Variants in CEP44 observed in about 807,000 individuals in gnomAD.
The protein encoded by CEP44 is centrosomal protein of 44 kDa.
In CEP44, 45 loss-of-function variants were observed where a neutral mutation model predicts 46.7. The ratio of observed to expected loss-of-function variants is 0.96; its 90% CI spans 0.76 to 1.24. The LOEUF (loss-of-function observed/expected upper bound fraction) is 1.24. Ranked by LOEUF, CEP44 falls within the 50% of genes most tolerant of loss-of-function variation. The probability of loss-of-function intolerance (pLI) is 0.00; values close to 1 mark genes in which losing one functional copy is unlikely to be tolerated. For missense variants in CEP44, 475 were observed against 459.7 expected, an observed-to-expected ratio of 1.03 and a Z score of -0.30; for synonymous variants, 142 against 146.0, an observed-to-expected ratio of 0.97 and a Z score of 0.20.
intron 1 of CEP44, among the ~76,000 whole-genome samples, chr4:174,289,295 CT>C (rs34274387): frequency 0.32 from 41,007 of 128,624 alleles, 6,300 homozygotes; most frequent in East Asian, 0.57. Flanking sequence ...GTTCCCTCTT[CT>C]TTTTTTTTTT....
In CEP44 at chr4:174,331,633, T is replaced by C. The variant is rs1731324705; in HGVS notation, c.*38T>C. 3.2e-6 allele frequency: 5 copies of C among 1,540,592 alleles called. No homozygotes were observed. The highest frequency in any genetic ancestry group is 3.5e-6 in the Non-Finnish European group (4 of 1,140,240). ...GGATCCTGTGCTTACCTTTTCCTGC[T>C]GTACTCTGATGTTTCAGTGAAGCTC... On this transcript the variant is annotated 3_prime_UTR_variant, in exon 9 of 9. Transcript: ENST00000426172. The surrounding 1 kb of genome is among the most constrained non-coding windows in gnomAD (Gnocchi z 4.5).
intron 1 of CEP44, among the ~76,000 whole-genome samples, chr4:174,295,454 A>T (rs1053813430): frequency 6.2e-5 from 9 of 145,162 alleles, no homozygotes; most frequent in South Asian, 2.2e-4. Flanking sequence ...GGCGCTCCTC[A>T]CTTCCTAGAT....
At chr4:174,308,404 C>G (rs2126626122) in intron 6 of CEP44, among the ~76,000 whole-genome samples, 1 of 152,222 alleles carries the variant, frequency 6.6e-6, no homozygotes, top group South Asian at 2.1e-4. Flanking sequence ...CTTGTTCTCA[C>G]TTGTAAGTGG....
At chr4:174,295,105 G>A (rs1342524827) in intron 1 of CEP44, among the ~76,000 whole-genome samples, 53 of 151,810 alleles carry the variant, frequency 3.5e-4, no homozygotes, top group Non-Finnish European at 3.2e-4. Flanking sequence ...CCTCCCGGAC[G>A]GGGCGGCTGG....
intron 1 of CEP44, 142 bp downstream of exon 1, chr4:174,284,085 TC>T: frequency 5.0e-6 from 2 of 399,106 alleles, no homozygotes; most frequent in East Asian, 7.1e-5. Flanking sequence ...TGCTCCGTTT[TC>T]CTCTCCCTGT....
rs201945038 is a variant in CEP44, at chr4:174,316,587, A to T, written c.1124+20A>T. 2.9e-4 allele frequency: 461 copies of T among 1,580,144 alleles called. No individual in the cohort carries two copies. Among genetic ancestry groups the T allele is most frequent in the Non-Finnish European group, 3.8e-4 (435 of 1,158,178 alleles). ...AAAAATGTAAGTAACAGAAAGGGGC[A>T]ACAGAAATTCATTTCTCTATAGGGA... On this transcript the variant is annotated intron_variant, in intron 11 of 11. Transcript: ENST00000503780.
At chr4:174,327,419 GAC>G (rs1742751781) in intron 8 of CEP44, among the ~76,000 whole-genome samples, 1 of 151,704 alleles carries the variant, frequency 6.6e-6, no homozygotes, top group African/African-American at 2.4e-5. Context: ...TCAAAGTCTT[GAC>G]AGTTTTTTTT....
At position 174,319,318 on chromosome 4, in the gene CEP44, T is replaced by C. The variant is rs1742078068; in HGVS notation, c.*1935T>C. On this transcript the variant is annotated 3_prime_UTR_variant, in exon 12 of 12. Coordinates refer to ENST00000503780, the MANE Select transcript of CEP44 (RefSeq NM_001040157.3). ...AGTTATAAGGGAAAAAACTTCTGTA[T>C]CGATTAACTCCTAAAATATCAGTAC... 1.0e-6 allele frequency: 1 copy of C among 981,754 alleles called. No individual in the cohort carries two copies. The highest frequency in any genetic ancestry group is 1.7e-5 in the African/African-American group (1 of 57,268). 60.8% of individuals were successfully genotyped at this position (981,754 alleles called of 1,614,324 possible).
rs2126598955 is a variant in CEP44 at position 174,303,699 on chromosome 4, G to C, written c.238-4G>C. 6.6e-7 allele frequency: 1 copy of C among 1,515,406 alleles called. No homozygotes were observed. Among genetic ancestry groups the C allele is most frequent in the East Asian group, 2.3e-5 (1 of 43,516 alleles). 93.9% of individuals were successfully genotyped at this position (1,515,406 alleles called of 1,614,324 possible). On this transcript the variant is annotated splice_region_variant and splice_polypyrimidine_tract_variant and intron_variant, in intron 4 of 11. Coordinates refer to ENST00000503780, the MANE Select transcript of CEP44 (RefSeq NM_001040157.3). ...ATTATTACAAGAGTCTGTTTCCTCT[G>C]CAGCTTCTTCGTGATCAATTTAATT...
Position 174,301,301 on chromosome 4 carries a change from T to C in CEP44, c.90-738T>C, listed in dbSNP as rs536929071. 6.6e-6 allele frequency among the ~76,000 whole-genome samples: 1 copy of C among 152,090 alleles called. No homozygotes were observed. Among genetic ancestry groups the C allele is most frequent in the East Asian group, 1.9e-4 (1 of 5,180 alleles). ...GTGAAGGTACTTCACATTGAGAAAA[T>C]AAGACAGGAAACACTACCAGACAGA... On this transcript the variant is annotated intron_variant, in intron 3 of 11. Coordinates refer to ENST00000503780, the MANE Select transcript of CEP44 (RefSeq NM_001040157.3). The surrounding 1 kb of genome is among the most constrained non-coding windows in gnomAD (Gnocchi z 4.3).
At chr4:174,306,999 G>T (rs1255105288) in intron 6 of CEP44, among the ~76,000 whole-genome samples, 1 of 152,144 alleles carries the variant, frequency 6.6e-6, no homozygotes, top group East Asian at 1.9e-4. Flanking sequence ...CATGCTCATG[G>T]ATAGGAAGAA....
Position 174,308,934 on chromosome 4 carries a change from C to T in CEP44, c.678+75C>T, listed in dbSNP as rs1740764143. On this transcript the variant is annotated intron_variant, in intron 7 of 11. Transcript: ENST00000503780. ...ATGTGTAATTATTTCAGCCTCTAAA[C>T]TTTGGAATATTTCTAGCCTTTTGAA... 13 of 1,273,066 alleles carry T rather than the reference C, an allele frequency of 1.0e-5. 1 individual carries two copies. In the South Asian group the frequency reaches 1.5e-4, roughly 15 times the overall value. 78.9% of individuals were successfully genotyped at this position (1,273,066 alleles called of 1,614,324 possible).
Position 174,331,540 on chromosome 4 carries a change from G to A in CEP44, c.1145G>A (p.Gly382Glu), listed in dbSNP as rs1234900360. The A allele has an allele frequency of 1.9e-6, 3 of 1,551,502 alleles. No homozygotes were observed. The highest frequency in any genetic ancestry group is 2.6e-6 in the Non-Finnish European group (3 of 1,146,912). ...TCCAGTCTCAGCTGGCTGCTCCGTG[G>A]GCATACTTCATACCTTTCATCACAG... The change falls in exon 9 of 9, where the codon GGG becomes GAG. Residue 382 changes from glycine to glutamate, a missense_variant. By Grantham distance (98) the Gly-to-Glu change is moderately conservative. Coordinates refer to the CEP44 transcript ENST00000426172. This position sits in a 1 kb window ranked among gnomAD's most constrained non-coding sequence, Gnocchi z 4.5.
At position 174,297,069 on chromosome 4, in the gene CEP44, T is replaced by A. The variant is rs1478135564; in HGVS notation, c.-147-897T>A. Among the ~76,000 whole-genome samples, 2 of 152,044 alleles carry A rather than the reference T, an allele frequency of 1.3e-5. No individual in the cohort carries two copies. Among genetic ancestry groups the A allele is most frequent in the African/African-American group, 4.8e-5 (2 of 41,398 alleles). Reference sequence around the variant, plus strand: ...TTTGATTAATGTTAGCATGGTATATTTTTCCCTATCCATTTACTTTTAATC... The same window carrying A: ...TTTGATTAATGTTAGCATGGTATATATTTCCCTATCCATTTACTTTTAATC... On this transcript the variant is annotated intron_variant, in intron 1 of 11. Coordinates refer to ENST00000503780, the MANE Select transcript of CEP44 (RefSeq NM_001040157.3). The surrounding 1 kb of genome is among the most constrained non-coding windows in gnomAD (Gnocchi z 4.3).
intron 6 of CEP44, among the ~76,000 whole-genome samples, chr4:174,306,565 A>G (rs780392559): frequency 5.3e-5 from 8 of 152,104 alleles, no homozygotes; most frequent in Non-Finnish European, 1.0e-4. Context: ...CATAACCCCA[A>G]TTTTATCATC....
intron 6 of CEP44, among the ~76,000 whole-genome samples, 181 bp from the exon 7 acceptor site, chr4:174,308,508 A>G (rs576537958): frequency 2.0e-5 from 3 of 152,228 alleles, no homozygotes; most frequent in Non-Finnish European, 4.4e-5. Flanking sequence ...TTCAGGAAAA[A>G]TAACCAATGG....
At chr4:174,283,706 G>A, upstream of CEP44, 1 of 396,168 alleles carries the variant, frequency 2.5e-6, no homozygotes, top group Admixed American at 4.4e-5. This position sits in a 1 kb window ranked among gnomAD's most constrained non-coding sequence, Gnocchi z 6.7. Context: ...TAACGGAGAC[G>A]CATTTTTATT....
intron 6 of CEP44, among the ~76,000 whole-genome samples, chr4:174,307,765 GA>G (rs36088958): frequency 0.59 from 89,228 of 151,696 alleles, 26,810 homozygotes; most frequent in Non-Finnish European, 0.66. Flanking sequence ...AAATTTACAA[GA>G]AAAAAACAAC....
Position 174,310,874 on chromosome 4 carries a change from C to T in CEP44, c.961+16C>T, listed in dbSNP as rs1274695683. On this transcript the variant is annotated intron_variant, in intron 9 of 11. Coordinates refer to ENST00000503780, the MANE Select transcript of CEP44 (RefSeq NM_001040157.3). The surrounding 1 kb of genome is among the most constrained non-coding windows in gnomAD (Gnocchi z 4.2). ...CTGAATCCTCGTAAGTTTGTAAATACTATGAGAATTGGTATGATGAGTTTT... is the reference window on the plus strand; with the variant it reads ...CTGAATCCTCGTAAGTTTGTAAATATTATGAGAATTGGTATGATGAGTTTT... The T allele has an allele frequency of 2.5e-6, 3 of 1,176,594 alleles. No individual in the cohort carries two copies. In the African/African-American group the frequency reaches 4.6e-5, roughly 18 times the overall value. The allele number at this position is 1,176,594 out of a possible 1,614,324, so 72.9% of individuals were successfully genotyped here.
Sources: gnomAD v4.1 joint callset for allele counts (sites outside exome capture counted in the v4.1 genomes callset) on GRCh38, gnomAD v4.1.1 for gene constraint, Gnocchi (gnomAD v3.1) non-coding constraint, MANE v1.5 for transcripts, NCBI Gene and HGNC (gene_info 2026-07-23, HGNC 2026-07-21) for gene names.